IQGAP2: variants seen among roughly 807,000 people sequenced by gnomAD.
IQGAP2 encodes the protein ras GTPase-activating-like protein IQGAP2.
In IQGAP2, 173 loss-of-function variants were observed where a neutral mutation model predicts 201.3. The ratio of observed to expected loss-of-function variants is 0.86; its 90% confidence interval spans 0.76 to 0.98. The LOEUF (loss-of-function observed/expected upper bound fraction) is 0.98, where lower values mean the gene tolerates loss of function less well. Ranked by LOEUF, IQGAP2 falls within the 50% of genes least tolerant of loss-of-function variation. The pLI is 0.00. For missense variants in IQGAP2, 1,687 were observed against 1,864.8 expected, an observed-to-expected ratio of 0.90 and a Z score of 1.76; for synonymous variants, 675 against 673.9, an observed-to-expected ratio of 1.00 and a Z score of -0.03.
intron 1 of IQGAP2, among the ~76,000 whole-genome samples, chr5:76,420,383 T>G (rs1561357985): frequency 6.6e-6 from 1 of 150,748 alleles, no homozygotes. Flanking sequence ...ACTTTTTTTT[T>G]TTTTTTTTTT....
chr5:76,593,455 TGAGCCTCTGTG>T (rs1375742034), intron 9 of IQGAP2, among the ~76,000 whole-genome samples: 1 of 152,180 alleles, frequency 6.6e-6, no homozygotes, highest in Non-Finnish European at 1.5e-5. Context: ...CCCACACCCC[TGAGCCTCTGTG>T]GAGTCAAGCA....
intron 15 of IQGAP2, among the ~76,000 whole-genome samples, chr5:76,633,597 TA>T (rs932863081): frequency 6.6e-6 from 1 of 152,196 alleles, no homozygotes; most frequent in African/African-American, 2.4e-5. Flanking sequence ...AAGAGGTTTT[TA>T]GTATATTCAC....
chr5:76,466,469 T>C (rs1356209313), intron 2 of IQGAP2, among the ~76,000 whole-genome samples: 3 of 152,208 alleles, frequency 2.0e-5, no homozygotes, highest in Non-Finnish European at 4.4e-5. Context: ...CCCACAGTAA[T>C]TGAGACAGTA....
At position 76,589,660 on chromosome 5, in the gene IQGAP2, T is replaced by G; in HGVS notation, c.572T>G (p.Ile191Arg). Residue 191 changes from isoleucine to arginine, a missense_variant, in exon 7 of 36, where the codon ATA becomes AGA. Transcript: ENST00000274364. ...AGAAAAGAACTTGAGAAATATGGAATACAGATGCCATCTTTCAGCAAAATA... is the reference window on the plus strand; with the variant it reads ...AGAAAAGAACTTGAGAAATATGGAAGACAGATGCCATCTTTCAGCAAAATA... ...NMRKELEKYG[I>R]QMPSFSKIGG... is the part of the protein sequence containing the mutation. 6.2e-7 allele frequency: 1 copy of G among 1,609,608 alleles called. No homozygotes were observed. The highest frequency in any genetic ancestry group is 1.1e-5 in the South Asian group (1 of 89,926).
At chr5:76,475,428 C>G (rs1330287182) in intron 2 of IQGAP2, among the ~76,000 whole-genome samples, 1 of 152,110 alleles carries the variant, frequency 6.6e-6, no homozygotes. Context: ...ACACTGATGC[C>G]CCAAAATACA....
At chr5:76,518,850 T>C (rs769433764) in intron 2 of IQGAP2, among the ~76,000 whole-genome samples, 6 of 152,166 alleles carry the variant, frequency 3.9e-5, no homozygotes, top group Non-Finnish European at 8.8e-5. Context: ...AAAAATGGCT[T>C]TTGGGTCCAG....
At chr5:76,638,722 A>G (rs894914622) in intron 16 of IQGAP2, among the ~76,000 whole-genome samples, 1 of 152,214 alleles carries the variant, frequency 6.6e-6, no homozygotes, top group Non-Finnish European at 1.5e-5. Flanking sequence ...ACAATAGATT[A>G]TTTGCATAAT....
chr5:76,613,075 C>T (rs771253567), intron 13 of IQGAP2, among the ~76,000 whole-genome samples: 26 of 152,196 alleles, frequency 1.7e-4, no homozygotes, highest in Non-Finnish European at 3.1e-4. Context: ...CCTCACTTTG[C>T]CAAGCGCCCC....
At chr5:76,495,814 G>T (rs375159214) in intron 2 of IQGAP2, among the ~76,000 whole-genome samples, 1 of 152,082 alleles carries the variant, frequency 6.6e-6, no homozygotes, top group Non-Finnish European at 1.5e-5. Flanking sequence ...GAACTACCTG[G>T]GTGAGAACTC....
intron 21 of IQGAP2, among the ~76,000 whole-genome samples, chr5:76,664,229 A>G (rs940943204): frequency 2.0e-5 from 3 of 152,226 alleles, no homozygotes; most frequent in African/African-American, 7.2e-5. Context: ...TATGGTTATT[A>G]ATTAACCTAA....
intron 1 of IQGAP2, among the ~76,000 whole-genome samples, chr5:76,446,192 G>A (rs796890432): frequency 6.6e-6 from 1 of 152,150 alleles, no homozygotes; most frequent in East Asian, 1.9e-4. Flanking sequence ...GCTTATTTTG[G>A]GTGTATACCC....
At chr5:76,540,234 T>C (rs1382729953) in intron 2 of IQGAP2, among the ~76,000 whole-genome samples, 9 of 152,240 alleles carry the variant, frequency 5.9e-5, no homozygotes, top group Admixed American at 5.9e-4. Flanking sequence ...TTACTTTAAA[T>C]AGCAGAGTTG....
intron 2 of IQGAP2, among the ~76,000 whole-genome samples, chr5:76,554,028 T>A (rs1743740686): frequency 6.6e-6 from 1 of 152,208 alleles, no homozygotes; most frequent in Non-Finnish European, 1.5e-5. Context: ...TAGATTGGAC[T>A]AGAATTTAGA....
chr5:76,664,480 C>T (rs549458765), intron 21 of IQGAP2, among the ~76,000 whole-genome samples: 5 of 152,252 alleles, frequency 3.3e-5, no homozygotes, highest in Admixed American at 6.5e-5. Flanking sequence ...GGCAGGAGAT[C>T]GAGACCAGCC....
chr5:76,489,909 A>G (rs1756434097), intron 2 of IQGAP2, among the ~76,000 whole-genome samples: 1 of 152,164 alleles, frequency 6.6e-6, no homozygotes, highest in Non-Finnish European at 1.5e-5. Flanking sequence ...TCCACACCAC[A>G]CATATGCACA....
intron 21 of IQGAP2, among the ~76,000 whole-genome samples, chr5:76,659,622 A>G (rs1308824748): frequency 1.3e-5 from 2 of 152,206 alleles, no homozygotes; most frequent in African/African-American, 4.8e-5. Flanking sequence ...GATAATTACA[A>G]ACAGAATCTT....
chr5:76,479,596 T>C (rs1023731107), intron 2 of IQGAP2, among the ~76,000 whole-genome samples: 1 of 152,158 alleles, frequency 6.6e-6, no homozygotes, highest in African/African-American at 2.4e-5. Flanking sequence ...CACCCTTCCA[T>C]TTCAGTGGGA....
intron 2 of IQGAP2, among the ~76,000 whole-genome samples, chr5:76,524,829 T>C (rs901637818): frequency 6.6e-6 from 1 of 152,244 alleles, no homozygotes; most frequent in Non-Finnish European, 1.5e-5. Flanking sequence ...GTAAGATTCG[T>C]TATTTAAAAT....
intron 2 of IQGAP2, among the ~76,000 whole-genome samples, chr5:76,545,782 T>A (rs908246959): frequency 6.6e-6 from 1 of 152,216 alleles, no homozygotes; most frequent in African/African-American, 2.4e-5. Flanking sequence ...TTGACACACA[T>A]GACAAAAAGT....
Sources: allele counts gnomAD v4.1 joint callset (sites outside exome capture counted in the v4.1 genomes callset), GRCh38; gene constraint gnomAD v4.1.1; transcripts MANE v1.5; gene names NCBI Gene and HGNC (gene_info 2026-07-23, HGNC 2026-07-21).